The following SLC9B2 variants were observed in gnomAD, a reference collection of about 807,000 sequenced individuals.
SLC9B2 encodes solute carrier family 9 member B2.
SLC9B2 carries 39 observed loss-of-function variants against 52.2 expected under a neutral mutation model. That is an observed-to-expected ratio of 0.75 (90% CI 0.58 to 0.98). SLC9B2 has a LOEUF of 0.98. Among genes scored for constraint, SLC9B2 ranks in the 50% least tolerant of loss-of-function variants. The pLI is 0.00. For missense variants in SLC9B2, 626 were observed against 637.5 expected (o/e 0.98, Z 0.19); for synonymous variants, 214 against 227.0 (o/e 0.94, Z 0.51).
At position 103,023,524 on chromosome 4, in the gene SLC9B2, G is replaced by A. The variant is rs541173141; in HGVS notation, c.*2846C>T. ...TTCACATGGTGAGCCCTGCTGAATG[G>A]TCAGCCTCTGTCATTCTTGACCTCA... On this transcript the variant is annotated 3_prime_UTR_variant, in exon 12 of 12. Transcript: ENST00000394785. 5.9e-5 allele frequency among the ~76,000 whole-genome samples: 9 copies of A among 152,230 alleles called. No homozygotes were observed. The highest frequency in any genetic ancestry group is 3.9e-4 in the East Asian group (2 of 5,172).
At chr4:103,019,885 G>A (rs1741670076), downstream of SLC9B2, 18 of 986,398 alleles carry the variant, frequency 1.8e-5, no homozygotes, top group Non-Finnish European at 1.9e-5. Context: ...GACTCATCGG[G>A]TTGTAGAAAT....
At chr4:103,054,464 G>T (rs939821045) in intron 4 of SLC9B2, among the ~76,000 whole-genome samples, 1 of 152,176 alleles carries the variant, frequency 6.6e-6, no homozygotes, top group Non-Finnish European at 1.5e-5. Flanking sequence ...AATGAATTTT[G>T]AGAGTCACTA....
intron 4 of SLC9B2, among the ~76,000 whole-genome samples, chr4:103,052,715 ATTT>A (rs571633889): frequency 3.5e-5 from 5 of 141,452 alleles, no homozygotes; most frequent in Non-Finnish European, 3.1e-5. Context: ...ATGAGGGGAC[ATTT>A]TTTTTTTTTT....
intron 9 of SLC9B2, among the ~76,000 whole-genome samples, chr4:103,042,806 T>C (rs1382555043): frequency 6.6e-6 from 1 of 151,694 alleles, no homozygotes; most frequent in Non-Finnish European, 1.5e-5. Flanking sequence ...ATATATACTA[T>C]ATTTTATTTA....
chr4:103,072,425 G>A (rs1287337595), intron 1 of SLC9B2, among the ~76,000 whole-genome samples: 1 of 152,148 alleles, frequency 6.6e-6, no homozygotes, highest in South Asian at 2.1e-4. Flanking sequence ...CCTACAAATG[G>A]AACGACTAAG....
rs530193538 is a variant in SLC9B2, at chr4:103,043,279, C to G, written c.1146+17G>C. ...TAGAAAAGAGTCATGAGCAGAAAAACTTAAAATGAAATTCACCTTTTCGCT... is the reference window on the plus strand; with the variant it reads ...TAGAAAAGAGTCATGAGCAGAAAAAGTTAAAATGAAATTCACCTTTTCGCT... On this transcript the variant is annotated intron_variant, in intron 9 of 11. Transcript: ENST00000394785. 4.4e-6 allele frequency: 7 copies of G among 1,590,674 alleles called. No homozygotes were observed. The highest frequency in any genetic ancestry group is 4.5e-5 in the East Asian group (2 of 44,622).
intron 4 of SLC9B2, among the ~76,000 whole-genome samples, chr4:103,051,313 C>T (rs1744667416): frequency 6.6e-6 from 1 of 152,210 alleles, no homozygotes; most frequent in Non-Finnish European, 1.5e-5. Flanking sequence ...AGCCTCTTCC[C>T]TCCATGCTTC....
In SLC9B2 at chr4:103,057,978, T is replaced by C. The variant is rs1483377734; in HGVS notation, c.272-7A>G. On this transcript the variant is annotated splice_polypyrimidine_tract_variant and splice_region_variant and intron_variant, in intron 3 of 11. Coordinates refer to ENST00000394785, the MANE Select transcript of SLC9B2 (RefSeq NM_178833.7). The stretch of plus-strand genomic sequence containing the variant: ...AGAAGAACAATGATGGTAACTGAAA[T>C]AAACCAGGAATACTAGTTACTATCA... The C allele has an allele frequency of 3.1e-6, 5 of 1,602,358 alleles. No homozygotes were observed. Among genetic ancestry groups the C allele is most frequent in the African/African-American group, 1.3e-5 (1 of 74,218 alleles).
At chr4:103,056,306 G>A (rs532582482) in intron 4 of SLC9B2, among the ~76,000 whole-genome samples, 1 of 152,106 alleles carries the variant, frequency 6.6e-6, no homozygotes, top group East Asian at 1.9e-4. Context: ...AGAGTGCAGT[G>A]GTGTGATCTC....
chr4:103,063,907 A>G (rs1230756644), intron 3 of SLC9B2, among the ~76,000 whole-genome samples: 1 of 152,214 alleles, frequency 6.6e-6, no homozygotes, highest in Non-Finnish European at 1.5e-5. Flanking sequence ...AAGAAGACAT[A>G]CAAATGGCCA....
Position 103,058,972 on chromosome 4 carries a change from C to G in SLC9B2, c.272-1001G>C, listed in dbSNP as rs967693784. 2.0e-5 allele frequency among the ~76,000 whole-genome samples: 3 copies of G among 151,990 alleles called. No homozygotes were observed. In the East Asian group the frequency reaches 5.8e-4, roughly 29 times the overall value. ...ATCCCAGCTACTCGGGAAGCTGAGG[C>G]AGGAGGATCCCTTGAGCCCAGAAGT... On this transcript the variant is annotated intron_variant, in intron 3 of 11. Transcript: ENST00000394785.
intron 1 of SLC9B2, among the ~76,000 whole-genome samples, chr4:103,075,535 C>T (rs993692608): frequency 6.6e-6 from 1 of 152,176 alleles, no homozygotes; most frequent in African/African-American, 2.4e-5. Context: ...ACTCTTCTGC[C>T]TGGGTCCATA....
At chr4:103,072,247 T>C (rs537426670) in intron 1 of SLC9B2, among the ~76,000 whole-genome samples, 63 of 151,796 alleles carry the variant, frequency 4.2e-4, no homozygotes, top group Non-Finnish European at 7.2e-4. Context: ...TTAGTAGAGA[T>C]GGGGTTTCAC....
intron 3 of SLC9B2, chr4:103,065,810 G>A (rs1224562670): frequency 6.6e-6 from 1 of 152,164 alleles, no homozygotes; most frequent in East Asian, 1.9e-4. Context: ...TTTCAAAATA[G>A]TGCTGAGATA....
At chr4:103,054,127 G>C (rs1437884565) in intron 4 of SLC9B2, among the ~76,000 whole-genome samples, 1 of 152,034 alleles carries the variant, frequency 6.6e-6, no homozygotes, top group Admixed American at 6.6e-5. Flanking sequence ...AAATAAAAAA[G>C]GTGTAGGGAC....
chr4:103,063,489 T>C (rs927826371), intron 3 of SLC9B2, among the ~76,000 whole-genome samples: 3 of 152,208 alleles, frequency 2.0e-5, no homozygotes, highest in Non-Finnish European at 2.9e-5. Flanking sequence ...TGGGCATCCA[T>C]ATATTTACTT....
At chr4:103,027,890 C>T (rs1742363817) in intron 11 of SLC9B2, among the ~76,000 whole-genome samples, 1 of 152,116 alleles carries the variant, frequency 6.6e-6, no homozygotes, top group South Asian at 2.1e-4. Flanking sequence ...ACACATCCCC[C>T]AAAGCCTCCT....
At chr4:103,029,982 G>T (rs2110575022) in intron 10 of SLC9B2, among the ~76,000 whole-genome samples, 1 of 152,224 alleles carries the variant, frequency 6.6e-6, no homozygotes, top group South Asian at 2.1e-4. Context: ...AAGTTTTGTG[G>T]TTCTTTGTTG....
chr4:103,054,161 G>A (rs1056823707), intron 4 of SLC9B2, among the ~76,000 whole-genome samples: 1 of 151,992 alleles, frequency 6.6e-6, no homozygotes, highest in Non-Finnish European at 1.5e-5. Context: ...CCCAGCTACT[G>A]GGAAGGCTGA....
Sources: allele counts gnomAD v4.1 joint callset (sites outside exome capture counted in the v4.1 genomes callset), GRCh38; gene constraint gnomAD v4.1.1; transcripts MANE v1.5; gene names NCBI Gene and HGNC (gene_info 2026-07-23, HGNC 2026-07-21).